The following DCLK1 variants were observed in gnomAD, a reference collection of about 807,000 sequenced individuals.
DCLK1 encodes the protein serine/threonine-protein kinase DCLK1.
DCLK1 carries 16 observed loss-of-function variants against 86.2 expected under a neutral mutation model. That is an observed-to-expected ratio of 0.19 (90% CI 0.13 to 0.28). The LOEUF is 0.28. Ranked by LOEUF, DCLK1 falls within the 10% of genes least tolerant of loss-of-function variation. DCLK1 has a pLI of 1.00. For synonymous variants in DCLK1, 369 were observed against 370.5 expected (o/e 1.00, Z 0.05); for missense variants, 590 against 940.2 (o/e 0.63, Z 4.87).
intron 5 of DCLK1, among the ~76,000 whole-genome samples, chr13:35,864,114 C>T (rs908774363): frequency 3.3e-5 from 5 of 152,094 alleles, no homozygotes; most frequent in Non-Finnish European, 5.9e-5. Flanking sequence ...ATGGTTGTTG[C>T]CATGAATGTT....
chr13:35,873,771 C>T (rs376205964), intron 4 of DCLK1, among the ~76,000 whole-genome samples: 50 of 152,218 alleles, frequency 3.3e-4, no homozygotes, highest in African/African-American at 1.2e-3. Flanking sequence ...AAATCTTTGC[C>T]AATTTCTAAA....
chr13:35,956,968 C>T (rs1350729389), intron 3 of DCLK1, among the ~76,000 whole-genome samples: 1 of 152,038 alleles, frequency 6.6e-6, no homozygotes, highest in African/African-American at 2.4e-5. Flanking sequence ...AATAACTATA[C>T]CTTCAAAAAA....
At position 35,977,485 on chromosome 13, in the gene DCLK1, G is replaced by A. The variant is rs58934528; in HGVS notation, c.724-30028C>T. Reference sequence around the variant, plus strand: ...CTATCACGAAGCCCTTTTGACTTAAGCACATGGTTCTCCATTGCCCCAATA... The same window carrying A: ...CTATCACGAAGCCCTTTTGACTTAAACACATGGTTCTCCATTGCCCCAATA... On this transcript the variant is annotated intron_variant, in intron 3 of 16. Coordinates refer to ENST00000360631, the MANE Select transcript of DCLK1 (RefSeq NM_001330071.2). Among the ~76,000 whole-genome samples, 41 of 152,306 alleles carry A rather than the reference G, an allele frequency of 2.7e-4. No individual in the cohort carries two copies. The East Asian group carries it at 5.2e-3, about 19-fold the overall frequency.
chr13:36,051,511 G>A (rs2153157226), intron 3 of DCLK1, among the ~76,000 whole-genome samples: 1 of 151,842 alleles, frequency 6.6e-6, no homozygotes, highest in Non-Finnish European at 1.5e-5. Flanking sequence ...TGCTGGTTTA[G>A]ATTATAAAAC....
intron 5 of DCLK1, among the ~76,000 whole-genome samples, chr13:35,866,736 G>GGTGGTA: frequency 6.6e-6 from 1 of 152,044 alleles, no homozygotes; most frequent in African/African-American, 2.4e-5. Context: ...TAAAAAATCA[G>GGTGGTA]GTGGTAGTTG....
chr13:35,969,118 T>C (rs1442612883), intron 3 of DCLK1, among the ~76,000 whole-genome samples: 1 of 152,204 alleles, frequency 6.6e-6, no homozygotes, highest in African/African-American at 2.4e-5. Context: ...CTCCTGCAAC[T>C]ATAATGAGCA....
rs774837014 is a variant in DCLK1 at position 35,810,967 on chromosome 13, A to G, written c.1556T>C (p.Val519Ala). ...TTTGCTGCCATCTTGGTGCTCATACACCTAAAACAAAGGTAAAAATCACAA... is the reference window on the plus strand; with the variant it reads ...TTTGCTGCCATCTTGGTGCTCATACGCCTAAAACAAAGGTAAAAATCACAA... ...HRDIKPENLL[V>A]YEHQDGSKSL... The change falls in exon 12 of 17, where the codon GTG becomes GCG. Residue 519 changes from valine to alanine, a missense_variant and splice_region_variant. Around this residue, in one of 6 missense-constraint regions of DCLK1, gnomAD observed 108 missense variants for 195.7 expected, o/e 0.55. Transcript: ENST00000360631. The G allele has an allele frequency of 6.2e-7, 1 of 1,613,410 alleles. No homozygotes were observed. Among genetic ancestry groups the G allele is most frequent in the Non-Finnish European group, 8.5e-7 (1 of 1,179,810 alleles).
At chr13:36,096,472 G>A (rs548199143) in intron 3 of DCLK1, among the ~76,000 whole-genome samples, 15 of 152,210 alleles carry the variant, frequency 9.9e-5, no homozygotes, top group South Asian at 4.1e-4. Context: ...TTTACTGTAC[G>A]GCAGAATATT....
rs145830315 is a variant in DCLK1 at position 35,964,909 on chromosome 13, G to A, written c.724-17452C>T. 3.4e-3 allele frequency among the ~76,000 whole-genome samples: 512 copies of A among 152,212 alleles called. 7 individuals are homozygous for A. Among genetic ancestry groups the A allele is most frequent in the South Asian group, 0.027 (128 of 4,828 alleles). On this transcript the variant is annotated intron_variant, in intron 3 of 16. Coordinates refer to ENST00000360631, the MANE Select transcript of DCLK1 (RefSeq NM_001330071.2). Reference sequence around the variant, plus strand: ...AGCCATGCTCGCTTGTTTACATAACGTCTATGGCAGCTTTCCAGATACAAA... The same window carrying A: ...AGCCATGCTCGCTTGTTTACATAACATCTATGGCAGCTTTCCAGATACAAA...
intron 3 of DCLK1, among the ~76,000 whole-genome samples, chr13:36,104,265 C>G (rs1387328383): frequency 1.3e-5 from 2 of 152,178 alleles, no homozygotes; most frequent in Non-Finnish European, 2.9e-5. Flanking sequence ...AGTGGATAGA[C>G]CACAGCAAAC....
intron 4 of DCLK1, among the ~76,000 whole-genome samples, chr13:35,943,742 C>CAAGCATGG (rs563472700): frequency 1.6e-3 from 244 of 152,262 alleles, no homozygotes; most frequent in South Asian, 4.8e-3. Context: ...CTGTCCCTCC[C>CAAGCATGG]AAGCATGGGG....
At chr13:35,990,798 T>A (rs28593747) in intron 3 of DCLK1, among the ~76,000 whole-genome samples, 59,821 of 137,410 alleles carry the variant, frequency 0.44, 12,419 homozygotes, top group East Asian at 0.79. Flanking sequence ...AACGTGGGGA[T>A]TTTTTTTTAA....
At chr13:35,803,354 C>T (rs2086960950) in intron 15 of DCLK1, among the ~76,000 whole-genome samples, 1 of 152,160 alleles carries the variant, frequency 6.6e-6, no homozygotes, top group Non-Finnish European at 1.5e-5. Flanking sequence ...GTTGTTGAGG[C>T]TGGAAGTGAC....
intron 3 of DCLK1, among the ~76,000 whole-genome samples, chr13:35,953,997 T>A (rs958219461): frequency 6.6e-6 from 1 of 152,208 alleles, no homozygotes; most frequent in Non-Finnish European, 1.5e-5. Context: ...AGCAAGAGAA[T>A]AAACCATCAC....
intron 4 of DCLK1, among the ~76,000 whole-genome samples, chr13:35,928,302 C>T (rs1196365678): frequency 6.6e-6 from 1 of 152,112 alleles, no homozygotes; most frequent in Non-Finnish European, 1.5e-5. Context: ...CTCAGCACTG[C>T]GGCCTGCCTG....
chr13:36,050,999 T>C (rs1427219288), intron 3 of DCLK1, among the ~76,000 whole-genome samples: 1 of 152,086 alleles, frequency 6.6e-6, no homozygotes, highest in African/African-American at 2.4e-5. Context: ...CAATGATACA[T>C]CAGCCAATGA....
chr13:36,006,969 C>G (rs1208460899), intron 3 of DCLK1, among the ~76,000 whole-genome samples: 5 of 152,166 alleles, frequency 3.3e-5, no homozygotes, highest in African/African-American at 1.2e-4. Flanking sequence ...TGCTCAGATT[C>G]ATAACATAAT....
chr13:35,792,191 C>T (rs2086718788), intron 16 of DCLK1, among the ~76,000 whole-genome samples: 1 of 152,190 alleles, frequency 6.6e-6, no homozygotes, highest in South Asian at 2.1e-4. Context: ...GCCAGTTGCT[C>T]ACACGCATGT....
chr13:36,018,307 TAAATATAAACAA>T (rs1487625791), intron 3 of DCLK1, among the ~76,000 whole-genome samples: 1 of 152,142 alleles, frequency 6.6e-6, no homozygotes, highest in Non-Finnish European at 1.5e-5. Flanking sequence ...TTTTTTCAAT[TAAATATAAACAA>T]AAATCTTTTC....
Sources: gnomAD v4.1 joint callset for allele counts (sites outside exome capture counted in the v4.1 genomes callset) on GRCh38, gnomAD v4.1.1 for gene constraint, gnomAD v4.1.1 regional missense constraint, MANE v1.5 for transcripts, NCBI Gene and HGNC (gene_info 2026-07-23, HGNC 2026-07-21) for gene names.